PAK2: variants seen among roughly 807,000 people sequenced by gnomAD.
PAK2 encodes p21 (RAC1) activated kinase 2.
Under a neutral mutation model 65.9 loss-of-function variants are expected in PAK2, and 21 were observed. That is an observed-to-expected ratio of 0.32 (90% confidence interval 0.23 to 0.46). The LOEUF is 0.46. Ranked by LOEUF, PAK2 falls within the 20% of genes least tolerant of loss-of-function variation. The probability of loss-of-function intolerance (pLI) is 1.00; values close to 1 mark genes in which losing one functional copy is unlikely to be tolerated. For missense variants in PAK2, 324 were observed against 642.6 expected, an observed-to-expected ratio of 0.50 and a Z score of 5.36; for synonymous variants, 204 against 219.7, an observed-to-expected ratio of 0.93 and a Z score of 0.63.
intron 8 of PAK2, among the ~76,000 whole-genome samples, chr3:196,811,619 A>T (rs1170076214): frequency 6.6e-6 from 1 of 151,754 alleles, no homozygotes. Context: ...TTATCTTACT[A>T]TTTTTGAGCA....
At chr3:196,825,333 G>A (rs575859955) in intron 13 of PAK2, among the ~76,000 whole-genome samples, 6 of 143,030 alleles carry the variant, frequency 4.2e-5, no homozygotes, top group Admixed American at 7.0e-5. Flanking sequence ...GCAACAGAGC[G>A]AGACTGTGTC....
intron 1 of PAK2, among the ~76,000 whole-genome samples, chr3:196,766,817 A>G (rs1714183486): frequency 1.4e-5 from 2 of 144,960 alleles, no homozygotes; most frequent in African/African-American, 5.1e-5. Context: ...CACAGGATAT[A>G]TGTATATCAG....
At chr3:196,746,622 A>AC (rs1316990442) in intron 1 of PAK2, among the ~76,000 whole-genome samples, 2 of 151,840 alleles carry the variant, frequency 1.3e-5, no homozygotes, top group Non-Finnish European at 2.9e-5. Flanking sequence ...GACCAGCCTG[A>AC]CCAACATGGA....
rs1560092717 is a variant in PAK2, at chr3:196,759,488, G to GGTTTTTTTTGTTTTTT, written c.-22+19332_-22+19347dup. Reference sequence around the variant, plus strand: ...CACCCTTTAAGGTATACAGTTAAGTGGTTTTTTTTGTTTTTTTTTTTTTTT... The same window carrying GGTTTTTTTTGTTTTTT: ...CACCCTTTAAGGTATACAGTTAAGTGGTTTTTTTTGTTTTTTGTTTTTTTTGTTTTTTTTTTTTTTT... On this transcript the variant is annotated intron_variant, in intron 1 of 14. Coordinates refer to ENST00000327134, the MANE Select transcript of PAK2 (RefSeq NM_002577.4). 1.7e-4 allele frequency among the ~76,000 whole-genome samples: 19 copies of GGTTTTTTTTGTTTTTT among 111,106 alleles called. 3 individuals carry two copies. The highest frequency in any genetic ancestry group is 1.1e-4 in the Non-Finnish European group (6 of 56,108). The allele number at this position is 111,106 out of a possible 152,430, so 72.9% of individuals were successfully genotyped here. A position where few individuals can be genotyped will look rare whatever the true frequency, so the allele number is the denominator to read the frequency against.
At chr3:196,815,111 T>C (rs972760177) in intron 11 of PAK2, among the ~76,000 whole-genome samples, 58 of 146,494 alleles carry the variant, frequency 4.0e-4, no homozygotes, top group East Asian at 1.0e-3. Flanking sequence ...ACCTGGGAGG[T>C]GGAGCTTGCA....
chr3:196,773,877 A>G (rs1714452857), intron 1 of PAK2, among the ~76,000 whole-genome samples: 1 of 151,596 alleles, frequency 6.6e-6, no homozygotes, highest in Non-Finnish European at 1.5e-5. Flanking sequence ...AAAGCAAAAC[A>G]AAACAACAAA....
chr3:196,745,784 A>C (rs1713355682), intron 1 of PAK2, among the ~76,000 whole-genome samples: 1 of 150,566 alleles, frequency 6.6e-6, no homozygotes, highest in Non-Finnish European at 1.5e-5. Context: ...ACTGCACTCC[A>C]GCCTGGGCAA....
chr3:196,794,247 A>T (rs934991766), intron 2 of PAK2, among the ~76,000 whole-genome samples: 5 of 152,254 alleles, frequency 3.3e-5, no homozygotes, highest in African/African-American at 7.2e-5. Context: ...AGTGGAGGAC[A>T]TAGTGACTTC....
chr3:196,751,678 T>C (rs1455725892), intron 1 of PAK2, among the ~76,000 whole-genome samples: 3 of 63,942 alleles, frequency 4.7e-5, no homozygotes, highest in East Asian at 2.3e-4. Context: ...TATATACATA[T>C]ATATATATAT....
chr3:196,810,113 T>G (rs1243554752), intron 7 of PAK2, among the ~76,000 whole-genome samples: 1 of 151,976 alleles, frequency 6.6e-6, no homozygotes, highest in Non-Finnish European at 1.5e-5. Context: ...TTATTATTTA[T>G]AATACTAAGT....
At chr3:196,793,087 AT>A (rs1466346365) in intron 2 of PAK2, among the ~76,000 whole-genome samples, 50 of 152,306 alleles carry the variant, frequency 3.3e-4, no homozygotes, top group Non-Finnish European at 2.6e-4. Flanking sequence ...GAGAAGGGGG[AT>A]TAGTTGAAAA....
chr3:196,817,118 T>C (rs1391768363), intron 11 of PAK2, among the ~76,000 whole-genome samples: 2 of 151,766 alleles, frequency 1.3e-5, no homozygotes, highest in African/African-American at 4.8e-5. Context: ...GTTTACCAAG[T>C]GTTGTATACC....
intron 1 of PAK2, among the ~76,000 whole-genome samples, chr3:196,772,558 C>T (rs1041832169): frequency 1.4e-4 from 22 of 152,156 alleles, no homozygotes; most frequent in African/African-American, 1.9e-4. Flanking sequence ...TCTCTTTTCT[C>T]GCTTTCCCTC....
intron 2 of PAK2, among the ~76,000 whole-genome samples, chr3:196,801,477 T>C (rs892288448): frequency 6.6e-6 from 1 of 152,190 alleles, no homozygotes; most frequent in African/African-American, 2.4e-5. Context: ...GGGGAAATCT[T>C]TTCTAGAATA....
chr3:196,794,394 C>T (rs1715176886), intron 2 of PAK2, among the ~76,000 whole-genome samples: 1 of 152,168 alleles, frequency 6.6e-6, no homozygotes, highest in African/African-American at 2.4e-5. Flanking sequence ...AGACAGTTCC[C>T]AGGGGCACAG....
At chr3:196,759,314 C>T (rs894167074) in intron 1 of PAK2, among the ~76,000 whole-genome samples, 30 of 151,992 alleles carry the variant, frequency 2.0e-4, no homozygotes, top group Non-Finnish European at 4.4e-5. Context: ...TCTTCTTCAC[C>T]AGAGGCAAAC....
At chr3:196,823,957 T>C (rs1225134925) in intron 13 of PAK2, among the ~76,000 whole-genome samples, 1 of 151,906 alleles carries the variant, frequency 6.6e-6, no homozygotes, top group Non-Finnish European at 1.5e-5. Context: ...TCTACCGAGA[T>C]TGACCTTCAC....
intron 10 of PAK2, among the ~76,000 whole-genome samples, chr3:196,814,041 C>A (rs890255660): frequency 6.6e-6 from 1 of 152,144 alleles, no homozygotes; most frequent in Non-Finnish European, 1.5e-5. Flanking sequence ...TTAAGATAAG[C>A]CAGGGGCTTC....
At chr3:196,815,649 T>C (rs745746307) in intron 11 of PAK2, among the ~76,000 whole-genome samples, 1 of 151,830 alleles carries the variant, frequency 6.6e-6, no homozygotes, top group South Asian at 2.1e-4. Context: ...TAGCTGGGTG[T>C]GGTGGTACGC....
Sources: allele counts gnomAD v4.1 joint callset (sites outside exome capture counted in the v4.1 genomes callset), GRCh38; gene constraint gnomAD v4.1.1; transcripts MANE v1.5; gene names NCBI Gene and HGNC (gene_info 2026-07-23, HGNC 2026-07-21).